Variants in CNTN4 observed in about 807,000 individuals in gnomAD.
CNTN4 encodes contactin-4.
CNTN4 carries 77 observed loss-of-function variants against 122.5 expected under a neutral mutation model. The ratio of observed to expected loss-of-function variants is 0.63; its 90% CI spans 0.52 to 0.76. The LOEUF is 0.76. CNTN4 is among the 30% of genes least tolerant of loss of function. The pLI is 0.00. For synonymous variants in CNTN4, 512 were observed against 447.0 expected, an observed-to-expected ratio of 1.15 and a Z score of -1.83; for missense variants, 1,256 against 1,259.1, an observed-to-expected ratio of 1.00 and a Z score of 0.04.
intron 13 of CNTN4, among the ~76,000 whole-genome samples, chr3:2,962,280 G>T (rs75806419): frequency 0.078 from 11,830 of 152,148 alleles, 505 homozygotes; most frequent in African/African-American, 0.091. Context: ...TAAGCCAGAC[G>T]CCTGGTGCAG....
chr3:2,307,930 T>A (rs553719467), intron 2 of CNTN4, among the ~76,000 whole-genome samples: 334 of 152,268 alleles, frequency 2.2e-3, no homozygotes, highest in Non-Finnish European at 3.5e-3. Flanking sequence ...ATGGTAATAA[T>A]GGGCTTATGT....
At position 2,273,990 on chromosome 3, in the gene CNTN4, A is replaced by G. The variant is rs139815142; in HGVS notation, c.-144-65188A>G. ...AACATCTGCTGGAAACTCATTTGAG[A>G]GAAAACAACCCATGTTGGATCTTAG... On this transcript the variant is annotated intron_variant, in intron 2 of 24. Coordinates refer to ENST00000418658, the MANE Select transcript of CNTN4 (RefSeq NM_175607.3). Among the ~76,000 whole-genome samples the G allele has an allele frequency of 1.2e-4, 19 of 152,288 alleles. No homozygotes were observed. In the East Asian group the frequency reaches 3.5e-3, roughly 28 times the overall value.
intron 3 of CNTN4, among the ~76,000 whole-genome samples, chr3:2,550,608 C>T (rs1334937505): frequency 1.3e-5 from 2 of 152,018 alleles, no homozygotes; most frequent in Non-Finnish European, 2.9e-5. Flanking sequence ...GGGTATATAC[C>T]CAAAGGATTA....
chr3:2,351,113 A>G (rs1358425965), intron 3 of CNTN4, among the ~76,000 whole-genome samples: 1 of 152,188 alleles, frequency 6.6e-6, no homozygotes, highest in African/African-American at 2.4e-5. Flanking sequence ...AGTTCTGTTT[A>G]TAGCAAAGGT....
rs147073242 is a variant in CNTN4 at position 2,598,950 on chromosome 3, T to A, written c.55+27392T>A. On this transcript the variant is annotated intron_variant, in intron 4 of 24. Coordinates refer to ENST00000418658, the MANE Select transcript of CNTN4 (RefSeq NM_175607.3). ...AGAAGATTGTTATTTTTTACTTTTTTAAAAATAATTTCTGATCTAAGGAAA... is the reference window on the plus strand; with the variant it reads ...AGAAGATTGTTATTTTTTACTTTTTAAAAAATAATTTCTGATCTAAGGAAA... Among the ~76,000 whole-genome samples the A allele has an allele frequency of 1.8e-3, 276 of 152,358 alleles. 1 individual carries two copies. The highest frequency in any genetic ancestry group is 6.3e-3 in the African/African-American group (261 of 41,578).
intron 4 of CNTN4, among the ~76,000 whole-genome samples, chr3:2,672,504 C>T (rs576234429): frequency 3.4e-4 from 52 of 152,278 alleles, no homozygotes; most frequent in Non-Finnish European, 6.5e-4. Context: ...TTTCCAGGTG[C>T]CGTCTGTCAC....
intron 4 of CNTN4, among the ~76,000 whole-genome samples, chr3:2,694,125 T>G (rs1169896347): frequency 1.3e-5 from 2 of 152,176 alleles, no homozygotes; most frequent in Non-Finnish European, 2.9e-5. Flanking sequence ...GAATCCTCTC[T>G]CTTTAATGTC....
intron 3 of CNTN4, among the ~76,000 whole-genome samples, chr3:2,500,867 T>C (rs985774750): frequency 2.0e-5 from 3 of 152,140 alleles, no homozygotes; most frequent in African/African-American, 4.8e-5. Context: ...ATCGTATTTG[T>C]CAAGATAAGG....
chr3:2,959,085 A>G (rs1274198535), intron 13 of CNTN4, among the ~76,000 whole-genome samples: 1 of 152,234 alleles, frequency 6.6e-6, no homozygotes, highest in Non-Finnish European at 1.5e-5. Context: ...TCTATGTCAG[A>G]GCCTTTCCCC....
intron 2 of CNTN4, among the ~76,000 whole-genome samples, chr3:2,146,082 G>T (rs1214158127): frequency 1.8e-5 from 2 of 111,440 alleles, no homozygotes; most frequent in African/African-American, 7.3e-5. Flanking sequence ...AGGTAAAATT[G>T]CTACATTATT....
intron 3 of CNTN4, among the ~76,000 whole-genome samples, chr3:2,427,964 T>C (rs1186829193): frequency 6.6e-6 from 1 of 151,952 alleles, no homozygotes; most frequent in Admixed American, 6.5e-5. Flanking sequence ...CCTATGTGTG[T>C]CTCTTCACGT....
chr3:2,768,926 G>A (rs2090972446), intron 6 of CNTN4, among the ~76,000 whole-genome samples: 2 of 151,982 alleles, frequency 1.3e-5, no homozygotes, highest in Admixed American at 1.3e-4. Flanking sequence ...TCCCATTAAG[G>A]GACAGATCCG....
chr3:2,788,047 C>T (rs1320488328), intron 6 of CNTN4, among the ~76,000 whole-genome samples: 1 of 152,096 alleles, frequency 6.6e-6, no homozygotes, highest in Admixed American at 6.5e-5. Context: ...ACCTCGGCCT[C>T]TCAAAGTGCT....
intron 4 of CNTN4, among the ~76,000 whole-genome samples, chr3:2,653,861 A>G (rs920194169): frequency 1.3e-5 from 2 of 152,208 alleles, no homozygotes; most frequent in Admixed American, 6.5e-5. Flanking sequence ...GTTCGTCTCT[A>G]CCAAACCCAG....
chr3:2,900,723 G>A lies in CNTN4; in HGVS notation c.979G>A (p.Val327Met), dbSNP rs562479085. The A allele has an allele frequency of 1.4e-5, 23 of 1,613,760 alleles. No homozygotes were observed. Among genetic ancestry groups the A allele is most frequent in the East Asian group, 6.7e-5 (3 of 44,856 alleles). ...NWIQKINDIH[V>M]AMEENVFWEC... is the part of the protein sequence containing the mutation. ...GATTCAAAAAATAAATGATATTCAC[G>A]TGGCCATGGAAGAAAATGTCTTTTG... is the stretch of plus-strand genomic sequence containing the variant. Residue 327 changes from valine to methionine, a missense_variant, in exon 11 of 25, where the codon GTG (valine) becomes ATG (methionine). Val to Met is a conservative substitution (Grantham distance 21, BLOSUM62 1). Transcript: ENST00000418658.
At chr3:2,840,495 TC>T (rs1364747340) in intron 7 of CNTN4, among the ~76,000 whole-genome samples, 6 of 140,722 alleles carry the variant, frequency 4.3e-5, no homozygotes, top group Admixed American at 2.3e-4. Flanking sequence ...GGTCAGGAGA[TC>T]GAGACCATCC....
rs115749569 is a variant in CNTN4 at position 3,011,839 on chromosome 3, T to G, written c.1487-14263T>G. ...TGGAGAAGTTATCTTCCTCTGAAGC[T>G]TCCTGCACTTAAAACAGACCCAGGC... On this transcript the variant is annotated intron_variant, in intron 14 of 24. Coordinates refer to ENST00000418658, the MANE Select transcript of CNTN4 (RefSeq NM_175607.3). 3.8e-3 allele frequency among the ~76,000 whole-genome samples: 576 copies of G among 152,210 alleles called. 3 individuals carry two copies. Among genetic ancestry groups the G allele is most frequent in the African/African-American group, 0.013 (539 of 41,550 alleles).
At chr3:2,645,652 G>T (rs906934640) in intron 4 of CNTN4, among the ~76,000 whole-genome samples, 2 of 152,042 alleles carry the variant, frequency 1.3e-5, no homozygotes, top group African/African-American at 4.8e-5. Context: ...TTAAAAATTG[G>T]TCCCCAGCAT....
At chr3:2,550,650 T>A (rs1182639310) in intron 3 of CNTN4, among the ~76,000 whole-genome samples, 1 of 152,168 alleles carries the variant, frequency 6.6e-6, no homozygotes, top group East Asian at 1.9e-4. Context: ...CACATCCACA[T>A]GTATGCTTAT....
Sources: gnomAD v4.1 joint callset for allele counts (sites outside exome capture counted in the v4.1 genomes callset) on GRCh38, gnomAD v4.1.1 for gene constraint, MANE v1.5 for transcripts, NCBI Gene and HGNC (gene_info 2026-07-23, HGNC 2026-07-21) for gene names.